Variants in RAD51B observed in about 807,000 individuals in gnomAD.
RAD51B encodes the protein DNA repair protein RAD51 homolog 2.
A neutral mutation model predicts 42.2 loss-of-function variants in RAD51B; 38 were observed. That is an observed-to-expected ratio of 0.90 (90% CI 0.70 to 1.18). The LOEUF is 1.18. Among genes scored for constraint, RAD51B ranks in the 50% most tolerant of loss-of-function variants. RAD51B has a pLI of 0.00. For synonymous variants in RAD51B, 154 were observed against 145.2 expected (o/e 1.06, Z -0.43); for missense variants, 373 against 400.7 (o/e 0.93, Z 0.59).
At chr14:68,342,308 G>A (rs942542589) in intron 8 of RAD51B, among the ~76,000 whole-genome samples, 4 of 152,142 alleles carry the variant, frequency 2.6e-5, no homozygotes, top group African/African-American at 9.7e-5. Flanking sequence ...ACTAGTCAAG[G>A]GCTTCAGGGG....
At chr14:68,444,391 G>A (rs963137649) in intron 9 of RAD51B, among the ~76,000 whole-genome samples, 8 of 152,274 alleles carry the variant, frequency 5.3e-5, no homozygotes, top group Non-Finnish European at 7.4e-5. Context: ...GGATTAGGGG[G>A]CATTGTTTGA....
At position 68,119,739 on chromosome 14, in the gene RAD51B, C is replaced by T. The variant is rs1398307693; in HGVS notation, c.757-172145C>T. On this transcript the variant is annotated intron_variant, in intron 7 of 10. Coordinates refer to ENST00000471583, the MANE Select transcript of RAD51B (RefSeq NM_133510.4). ...ATCATTGTTGGACATTTGGGTTGGT[C>T]CCAAGTCTTTGCTATTGTGAATATT... 5.9e-5 allele frequency among the ~76,000 whole-genome samples: 9 copies of T among 151,380 alleles called. No homozygotes were observed. The South Asian group carries it at 6.3e-4, about 11-fold the overall frequency.
At chr14:68,496,640 C>T (rs1311528771) in intron 10 of RAD51B, among the ~76,000 whole-genome samples, 3 of 152,256 alleles carry the variant, frequency 2.0e-5, no homozygotes, top group African/African-American at 7.2e-5. Context: ...GGGTCTTCTC[C>T]ATCCAGTGGC....
intron 7 of RAD51B, among the ~76,000 whole-genome samples, chr14:68,256,636 C>T (rs572303546): frequency 6.6e-6 from 1 of 152,256 alleles, no homozygotes; most frequent in African/African-American, 2.4e-5. Context: ...TGTTTTCTTT[C>T]GTCCTGTGTA....
chr14:68,379,648 A>G (rs1317320962), intron 8 of RAD51B, among the ~76,000 whole-genome samples: 1 of 152,250 alleles, frequency 6.6e-6, no homozygotes, highest in African/African-American at 2.4e-5. Flanking sequence ...TGGAGGGTAG[A>G]AAAGTTGGTG....
At chr14:68,169,504 T>C (rs75192366) in intron 7 of RAD51B, among the ~76,000 whole-genome samples, 3,846 of 152,324 alleles carry the variant, frequency 0.025, 129 homozygotes, top group African/African-American at 0.074. Context: ...TATCGTAAGT[T>C]GAGTACATGG....
intron 7 of RAD51B, among the ~76,000 whole-genome samples, chr14:68,209,557 C>T (rs2079659497): frequency 2.0e-5 from 3 of 151,910 alleles, no homozygotes; most frequent in African/African-American, 7.3e-5. Context: ...TTTTTTCCAA[C>T]ATTTAAAAGA....
intron 7 of RAD51B, among the ~76,000 whole-genome samples, chr14:68,097,980 T>C (rs1262223919): frequency 6.6e-6 from 1 of 152,190 alleles, no homozygotes; most frequent in Non-Finnish European, 1.5e-5. Context: ...CTGCAGAACA[T>C]CTCACTGAAG....
chr14:68,258,219 T>A (rs1445924474), intron 7 of RAD51B, among the ~76,000 whole-genome samples: 2 of 152,064 alleles, frequency 1.3e-5, no homozygotes, highest in Non-Finnish European at 2.9e-5. Flanking sequence ...CTGGGCAATA[T>A]AGTGAGACCC....
intron 7 of RAD51B, among the ~76,000 whole-genome samples, chr14:67,925,858 C>A (rs963386434): frequency 6.6e-6 from 1 of 152,210 alleles, no homozygotes; most frequent in Non-Finnish European, 1.5e-5. Flanking sequence ...GCGGCTTGCA[C>A]CCTCTGAAGC....
chr14:68,289,844 G>A (rs2081481965), intron 7 of RAD51B, among the ~76,000 whole-genome samples: 1 of 152,210 alleles, frequency 6.6e-6, no homozygotes, highest in African/African-American at 2.4e-5. Context: ...ATTCTCACCA[G>A]TCTATGGAAA....
intron 4 of RAD51B, among the ~76,000 whole-genome samples, chr14:67,861,417 T>C (rs1286929897): frequency 6.6e-6 from 1 of 151,750 alleles, no homozygotes; most frequent in African/African-American, 2.4e-5. Flanking sequence ...GGTGGGTGGA[T>C]GGCTTGAGTC....
At chr14:67,889,875 C>T (rs1050905306) in intron 7 of RAD51B, among the ~76,000 whole-genome samples, 1 of 151,884 alleles carries the variant, frequency 6.6e-6, no homozygotes, top group Non-Finnish European at 1.5e-5. Flanking sequence ...TTTTATAGAC[C>T]TTTGAGTATG....
rs1366940817 is a variant in RAD51B, at chr14:68,488,176, C to T, written c.1036+19926C>T. ...GTTGATGGCACCAGGACAGAAATTACGTTCTGTTTCTTTAGGGTTTGTCTT... is the reference window on the plus strand; with the variant it reads ...GTTGATGGCACCAGGACAGAAATTATGTTCTGTTTCTTTAGGGTTTGTCTT... On this transcript the variant is annotated intron_variant, in intron 10 of 10. Transcript: ENST00000487270. 7.0e-5 allele frequency among the ~76,000 whole-genome samples: 10 copies of T among 143,082 alleles called. No homozygotes were observed. The East Asian group carries it at 1.4e-3, about 20-fold the overall frequency. The allele number at this position is 143,082 out of a possible 152,430, so 93.9% of individuals were successfully genotyped here.
chr14:68,541,183 G>A, intron 10 of RAD51B: 1 of 985,460 alleles, frequency 1.0e-6, no homozygotes, highest in Non-Finnish European at 1.2e-6. Context: ...TCACCAGGGA[G>A]AGGCTGCAGA....
At chr14:68,514,672 G>A (rs535149267) in intron 10 of RAD51B, among the ~76,000 whole-genome samples, 1 of 152,132 alleles carries the variant, frequency 6.6e-6, no homozygotes, top group Admixed American at 6.5e-5. Flanking sequence ...GGCATTTGGC[G>A]GGTGGAAGTT....
Position 67,919,448 on chromosome 14 carries a change from C to A in RAD51B, c.756+32244C>A, listed in dbSNP as rs568403828. On this transcript the variant is annotated intron_variant, in intron 7 of 10. Transcript: ENST00000471583. Reference sequence around the variant, plus strand: ...TGTAAATTCTTTACTGGAAAAAAACCCTTTATCATCTCAGAGACGGCGCCA... The same window carrying A: ...TGTAAATTCTTTACTGGAAAAAAACACTTTATCATCTCAGAGACGGCGCCA... Among the ~76,000 whole-genome samples the A allele has an allele frequency of 2.0e-5, 3 of 152,268 alleles. No homozygotes were observed. In the East Asian group the frequency reaches 5.8e-4, roughly 29 times the overall value.
At chr14:68,052,450 G>T (rs1486550948) in intron 7 of RAD51B, among the ~76,000 whole-genome samples, 1 of 151,738 alleles carries the variant, frequency 6.6e-6, no homozygotes, top group Non-Finnish European at 1.5e-5. Flanking sequence ...GCCAGCAAGT[G>T]AGGATAGAGC....
chr14:68,322,685 G>A (rs1043994015), intron 8 of RAD51B, among the ~76,000 whole-genome samples: 2 of 152,150 alleles, frequency 1.3e-5, no homozygotes, highest in Non-Finnish European at 2.9e-5. Context: ...TTCCCCTCCA[G>A]GCCTCACAGA....
Sources: gnomAD v4.1 joint callset for allele counts (sites outside exome capture counted in the v4.1 genomes callset) on GRCh38, gnomAD v4.1.1 for gene constraint, MANE v1.5 for transcripts, NCBI Gene and HGNC (gene_info 2026-07-23, HGNC 2026-07-21) for gene names.